The following DELE1 variants were observed in gnomAD, a reference collection of about 807,000 sequenced individuals.
The protein encoded by DELE1 is DAP3 binding cell death enhancer 1.
Under a neutral mutation model 59.3 loss-of-function variants are expected in DELE1, and 54 were observed. The ratio of observed to expected loss-of-function variants is 0.91; its 90% CI spans 0.73 to 1.14. The LOEUF is 1.14. DELE1 is among the 50% of genes most tolerant of loss of function. DELE1 has a pLI of 0.00. For synonymous variants in DELE1, 264 were observed against 259.1 expected (o/e 1.02, Z -0.18); for missense variants, 636 against 643.9 (o/e 0.99, Z 0.13).
intron 7 of DELE1, among the ~76,000 whole-genome samples, chr5:141,932,603 A>G (rs1203472681): frequency 6.6e-6 from 1 of 152,152 alleles, no homozygotes. Flanking sequence ...CCTTGTCCCA[A>G]CCAGATCAAG....
intron 7 of DELE1, chr5:141,931,128 C>G (rs1265120245): frequency 6.6e-6 from 1 of 152,166 alleles, no homozygotes; most frequent in African/African-American, 2.4e-5. Context: ...TTTAGAAGTC[C>G]TCACTGAGCA....
At chr5:141,936,830 A>G in intron 10 of DELE1, 1 of 976,756 alleles carries the variant, frequency 1.0e-6, no homozygotes, top group Non-Finnish European at 1.2e-6. Flanking sequence ...ACAACCCTCC[A>G]CCTTCGCCTC....
Position 141,941,114 on chromosome 5 carries a change from C to CCCCACTCCCCAG in DELE1, c.*2358_*2369dup. On this transcript the variant is annotated 3_prime_UTR_variant, in exon 12 of 12. Coordinates refer to ENST00000432126, the MANE Select transcript of DELE1 (RefSeq NM_014773.5). Reference sequence around the variant, plus strand: ...GTCACCGTGTGCCCTCCCTGTGGAGCCCCACTCCCCAGCCTCCTCCCCTCT... The same window carrying CCCCACTCCCCAG: ...GTCACCGTGTGCCCTCCCTGTGGAGCCCCACTCCCCAGCCCACTCCCCAGCCTCCTCCCCTCT... The CCCCACTCCCCAG allele has an allele frequency of 2.0e-6, 2 of 985,424 alleles. No homozygotes were observed. The highest frequency in any genetic ancestry group is 2.4e-6 in the Non-Finnish European group (2 of 829,948). The allele number at this position is 985,424 out of a possible 1,614,324, so 61.0% of individuals were successfully genotyped here. A position where few individuals can be genotyped will look rare whatever the true frequency, so the allele number is the denominator to read the frequency against.
chr5:141,924,071 G>A lies in DELE1; in HGVS notation c.31+99G>A, dbSNP rs570254184. 921 of 1,484,278 alleles carry A rather than the reference G, an allele frequency of 6.2e-4. 1 individual carries two copies. The highest frequency in any genetic ancestry group is 1.6e-3 in the Admixed American group (83 of 51,186). The allele number at this position is 1,484,278 out of a possible 1,614,324, so 91.9% of individuals were successfully genotyped here. On this transcript the variant is annotated intron_variant, in intron 1 of 11. Coordinates refer to ENST00000432126, the MANE Select transcript of DELE1 (RefSeq NM_014773.5). ...AACAGCCGAAGCGATCGTGGGCCGG[G>A]TTAGAGCCAAGGAAGGCGGGGCTTG...
chr5:141,934,574 A>T lies in DELE1; in HGVS notation c.1137A>T (p.Ala379=), dbSNP rs1255975739. 1.9e-6 allele frequency: 3 copies of T among 1,614,106 alleles called. No homozygotes were observed. Among genetic ancestry groups the T allele is most frequent in the Non-Finnish European group, 2.5e-6 (3 of 1,180,020 alleles). ...EQRAVKYLWL[A]ANNGDSQSRY... ...GAGCTGTGAAATATCTTTGGCTTGC[A>T]GCCAACAATGGGGTATGCGATCTCA... Residue 379 remains alanine, a synonymous_variant, in exon 10 of 12, where the codon GCA becomes GCT. Coordinates refer to ENST00000432126, the MANE Select transcript of DELE1 (RefSeq NM_014773.5).
intron 3 of DELE1, among the ~76,000 whole-genome samples, chr5:141,926,149 A>AT (rs1159461668): frequency 6.6e-6 from 1 of 152,180 alleles, no homozygotes; most frequent in Non-Finnish European, 1.5e-5. Context: ...AAGTGCTGGG[A>AT]TTACAGCTGT....
intron 10 of DELE1, among the ~76,000 whole-genome samples, chr5:141,936,147 C>T (rs868002238): frequency 1.1e-4 from 17 of 152,118 alleles, no homozygotes; most frequent in African/African-American, 4.1e-4. Context: ...TGAATGTAAG[C>T]ACTTTTCATA....
rs546855758 is a variant in DELE1 at position 141,939,444 on chromosome 5, A to G, written c.*685A>G. On this transcript the variant is annotated 3_prime_UTR_variant, in exon 12 of 12. Transcript: ENST00000432126. ...AGGCCATCCTCGAGACTAGCCCACC[A>G]TTCACCTCTGTTCATCCCCCGTGGG... The G allele has an allele frequency of 6.1e-6, 6 of 985,820 alleles. No homozygotes were observed. In the South Asian group the frequency reaches 1.9e-4, roughly 31 times the overall value. 61.1% of individuals were successfully genotyped at this position (985,820 alleles called of 1,614,324 possible). A position where few individuals can be genotyped will look rare whatever the true frequency, so the allele number is the denominator to read the frequency against.
Position 141,924,748 on chromosome 5 carries a change from T to A in DELE1, c.146+53T>A, listed in dbSNP as rs566911779. On this transcript the variant is annotated intron_variant, in intron 2 of 11. Transcript: ENST00000432126. ...TTCCTCCCCTAGTCACCCTTTTTTT[T>A]TATTTTTTTTTTTTTGTTGTTTTTT... 5,680 of 1,176,132 alleles carry A rather than the reference T, an allele frequency of 4.8e-3. 237 individuals carry two copies. In the African/African-American group the frequency reaches 0.079, roughly 16 times the overall value. The allele number at this position is 1,176,132 out of a possible 1,614,324, so 72.9% of individuals were successfully genotyped here.
rs1156879813 is a variant in DELE1 at position 141,924,698 on chromosome 5, A to G, written c.146+3A>G. 6.4e-7 allele frequency: 1 copy of G among 1,566,358 alleles called. No individual in the cohort carries two copies. The highest frequency in any genetic ancestry group is 8.8e-7 in the Non-Finnish European group (1 of 1,136,558). ...GTTCCTGTGCCTAACCTCGACAGGT[A>G]AGATACTGCCATTTTACCACTCATT... On this transcript the variant is annotated splice_donor_region_variant and intron_variant, in intron 2 of 11. Coordinates refer to ENST00000432126, the MANE Select transcript of DELE1 (RefSeq NM_014773.5).
chr5:141,939,742 A>C lies in DELE1; in HGVS notation c.*983A>C. ...GCTCTGCCACTTGCCTGGCCATGTC[A>C]CCTTGAAGCTGTGACCTGACTCCCT... On this transcript the variant is annotated 3_prime_UTR_variant, in exon 12 of 12. Transcript: ENST00000432126. 1.0e-6 allele frequency: 1 copy of C among 969,180 alleles called. No individual in the cohort carries two copies. Among genetic ancestry groups the C allele is most frequent in the Non-Finnish European group, 1.2e-6 (1 of 814,916 alleles). 60.0% of individuals were successfully genotyped at this position (969,180 alleles called of 1,614,324 possible). A position where few individuals can be genotyped will look rare whatever the true frequency, so the allele number is the denominator to read the frequency against.
At chr5:141,936,367 G>A (rs905681600) in intron 10 of DELE1, among the ~76,000 whole-genome samples, 22 of 152,196 alleles carry the variant, frequency 1.4e-4, no homozygotes, top group Non-Finnish European at 2.8e-4. Context: ...CAGGAGCATA[G>A]TTCTCAGAGA....
chr5:141,941,984 C>A lies in DELE1; in HGVS notation c.*3225C>A. 1.0e-6 allele frequency: 1 copy of A among 985,422 alleles called. No homozygotes were observed. Among genetic ancestry groups the A allele is most frequent in the Non-Finnish European group, 1.2e-6 (1 of 829,922 alleles). The allele number at this position is 985,422 out of a possible 1,614,324, so 61.0% of individuals were successfully genotyped here. A position where few individuals can be genotyped will look rare whatever the true frequency, so the allele number is the denominator to read the frequency against. On this transcript the variant is annotated 3_prime_UTR_variant, in exon 12 of 12. Transcript: ENST00000432126. The stretch of plus-strand genomic sequence containing the variant: ...ACACGCACACACGCACACACACACA[C>A]ACGGTTTCCTGTGCTACTTCTGGCA...
rs367883430 is a variant in DELE1 at position 141,923,892 on chromosome 5, G to T, written c.-50G>T. ...CGGCCTTTCTAGCCGCTGTCCCAAGGGTTGGTCTCGCGCTTTCGGCTGCGA... is the reference window on the plus strand; with the variant it reads ...CGGCCTTTCTAGCCGCTGTCCCAAGTGTTGGTCTCGCGCTTTCGGCTGCGA... On this transcript the variant is annotated 5_prime_UTR_variant, in exon 1 of 12. Coordinates refer to ENST00000432126, the MANE Select transcript of DELE1 (RefSeq NM_014773.5). The T allele has an allele frequency of 2.0e-5, 32 of 1,574,636 alleles. No homozygotes were observed. The East Asian group carries it at 3.0e-4, about 15-fold the overall frequency.
At position 141,923,955 on chromosome 5, in the gene DELE1, C is replaced by G. The variant is rs761762806; in HGVS notation, c.14C>G (p.Pro5Arg). The G allele has an allele frequency of 6.2e-7, 1 of 1,609,220 alleles. No individual in the cohort carries two copies. Among genetic ancestry groups the G allele is most frequent in the Non-Finnish European group, 8.5e-7 (1 of 1,178,068 alleles). The change falls in exon 1 of 12, where the codon CCG (proline) becomes CGG (arginine). Residue 5 changes from proline to arginine, a missense_variant. By Grantham distance (103) the Pro-to-Arg change is moderately radical. Coordinates refer to ENST00000432126, the MANE Select transcript of DELE1 (RefSeq NM_014773.5). ...GCTGGCAGCGACATGTGGCGCCTCC[C>G]GGGACTCCTGGGCCGAGGTAAGGGA... MWRL[P>R]GLLGRALPRT...
rs922528054 is a variant in DELE1 at position 141,939,271 on chromosome 5, G to A, written c.*512G>A. On this transcript the variant is annotated 3_prime_UTR_variant, in exon 12 of 12. Coordinates refer to ENST00000432126, the MANE Select transcript of DELE1 (RefSeq NM_014773.5). ...CATATTGACCTGTAGTTTGATAGATGTTCTGTCTAGGATAAAGCTAACTGT... is the reference window on the plus strand; with the variant it reads ...CATATTGACCTGTAGTTTGATAGATATTCTGTCTAGGATAAAGCTAACTGT... The A allele has an allele frequency of 4.9e-5, 28 of 570,588 alleles. No homozygotes were observed. Among genetic ancestry groups the A allele is most frequent in the African/African-American group, 6.1e-5 (3 of 48,794 alleles). The allele number at this position is 570,588 out of a possible 1,614,324, so 35.3% of individuals were successfully genotyped here. A position where few individuals can be genotyped will look rare whatever the true frequency, so the allele number is the denominator to read the frequency against.
Position 141,928,152 on chromosome 5 carries a change from G to A in DELE1, c.266G>A (p.Gly89Asp), listed in dbSNP as rs1751573275. The A allele has an allele frequency of 1.2e-6, 2 of 1,612,980 alleles. No homozygotes were observed. Among genetic ancestry groups the A allele is most frequent in the Non-Finnish European group, 1.7e-6 (2 of 1,179,458 alleles). Reference sequence around the variant, plus strand: ...TCCTTAACGTGCTGTCTTTCCCAGGGCACTCTGGCCGTGCTGGCCCTGCAG... The same window carrying A: ...TCCTTAACGTGCTGTCTTTCCCAGGACACTCTGGCCGTGCTGGCCCTGCAG... ...PNTLWDAISW[G>D]TLAVLALQLA... Residue 89 changes from glycine (G) to aspartate (D), a missense_variant and splice_region_variant, in exon 4 of 12, where the codon GGC becomes GAC. By Grantham distance (94) the Gly-to-Asp change is moderately conservative. Coordinates refer to ENST00000432126, the MANE Select transcript of DELE1 (RefSeq NM_014773.5).
chr5:141,928,317 G>A lies in DELE1; in HGVS notation c.412+19G>A. On this transcript the variant is annotated intron_variant, in intron 4 of 11. Coordinates refer to ENST00000432126, the MANE Select transcript of DELE1 (RefSeq NM_014773.5). ...TGCTCCTGTGAGTTCTCAGTCCTGG[G>A]GACAGGAGGGCTGGGCTGGGCGTTT... is the stretch of plus-strand genomic sequence containing the variant. 1 of 1,610,546 alleles carries A rather than the reference G, an allele frequency of 6.2e-7. No individual in the cohort carries two copies. The highest frequency in any genetic ancestry group is 8.5e-7 in the Non-Finnish European group (1 of 1,177,938).
intron 2 of DELE1, among the ~76,000 whole-genome samples, chr5:141,925,013 C>T (rs1383173409): frequency 1.3e-5 from 2 of 152,058 alleles, no homozygotes; most frequent in Admixed American, 6.6e-5. Flanking sequence ...CTGAAACCTC[C>T]GCCTCCTGGG....
Sources: gnomAD v4.1 joint callset for allele counts (sites outside exome capture counted in the v4.1 genomes callset) on GRCh38, gnomAD v4.1.1 for gene constraint, MANE v1.5 for transcripts, NCBI Gene and HGNC (gene_info 2026-07-23, HGNC 2026-07-21) for gene names.